The following CARS2 variants were observed in gnomAD, a reference collection of about 807,000 sequenced individuals.
CARS2 encodes the protein cysteinyl-tRNA synthetase 2, mitochondrial, also known as probable cysteine--tRNA ligase, mitochondrial.
In CARS2, 52 loss-of-function variants were observed where a neutral mutation model predicts 68.8. The observed-to-expected ratio is 0.76, with a 90% CI of 0.61 to 0.95. CARS2 has a LOEUF of 0.95. Among genes scored for constraint, CARS2 ranks in the 40% least tolerant of loss-of-function variants. The probability of loss-of-function intolerance (pLI) is 0.00; values close to 1 mark genes in which losing one functional copy is unlikely to be tolerated. For missense variants in CARS2, 780 were observed against 754.2 expected, an observed-to-expected ratio of 1.03 and a Z score of -0.40; for synonymous variants, 314 against 303.6, an observed-to-expected ratio of 1.03 and a Z score of -0.36.
At chr13:110,679,589 A>AGAGAG (rs2063085442) in intron 6 of CARS2, among the ~76,000 whole-genome samples, 1 of 83,884 alleles carries the variant, frequency 1.2e-5, no homozygotes, top group African/African-American at 4.8e-5. Flanking sequence ...GAAAGAAAGA[A>AGAGAG]AGAAAGAAAG....
chr13:110,696,924 G>A (rs776721233), intron 3 of CARS2, among the ~76,000 whole-genome samples: 5 of 151,908 alleles, frequency 3.3e-5, no homozygotes, highest in Admixed American at 6.6e-5. Flanking sequence ...CTTCCCCATC[G>A]CCCCCATGAC....
At chr13:110,654,921 CAAAAAAAAAAAAAAGA>C (rs1316093591) in intron 9 of CARS2, among the ~76,000 whole-genome samples, 1 of 83,856 alleles carries the variant, frequency 1.2e-5, no homozygotes, top group Non-Finnish European at 2.4e-5. Flanking sequence ...AACCCTCTCT[CAAAAAAAAAAAAAAGA>C]AAAAGAAAAA....
chr13:110,684,094 G>A (rs569876181), intron 5 of CARS2, among the ~76,000 whole-genome samples: 58 of 152,250 alleles, frequency 3.8e-4, no homozygotes, highest in African/African-American at 1.0e-3. Flanking sequence ...GGCTGCAGCC[G>A]CTGTGTGTTC....
Position 110,705,820 on chromosome 13 carries a change from G to T in CARS2, c.224+50C>A. On this transcript the variant is annotated intron_variant, in intron 1 of 14. Transcript: ENST00000257347. The surrounding 1 kb of genome is among the most constrained non-coding windows in gnomAD (Gnocchi z 4.0). ...CCCAGATCCCGTTCAGCCGTGGGAA[G>T]TCTCCGCCACGATCGGCCCCCGCCC... The T allele has an allele frequency of 6.6e-7, 1 of 1,525,680 alleles. No homozygotes were observed. The highest frequency in any genetic ancestry group is 8.8e-7 in the Non-Finnish European group (1 of 1,137,772). The allele number at this position is 1,525,680 out of a possible 1,614,324, so 94.5% of individuals were successfully genotyped here.
chr13:110,663,831 T>A, intron 8 of CARS2: 2 of 1,128,680 alleles, frequency 1.8e-6, no homozygotes, highest in African/African-American at 3.2e-5. Context: ...ATCTATTTTC[T>A]CCTCTCCTGT....
chr13:110,694,569 G>A (rs532008874), intron 3 of CARS2, among the ~76,000 whole-genome samples: 4 of 152,004 alleles, frequency 2.6e-5, no homozygotes, highest in Non-Finnish European at 5.9e-5. Context: ...CCTGGGAGGC[G>A]GAGGTTGCGC....
At chr13:110,697,351 C>T (rs143967711) in intron 3 of CARS2, among the ~76,000 whole-genome samples, 3 of 152,378 alleles carry the variant, frequency 2.0e-5, no homozygotes, top group Admixed American at 6.5e-5. Flanking sequence ...AGCCGATTTC[C>T]AGCACTGCCA....
chr13:110,663,776 A>G, intron 8 of CARS2: 1 of 1,246,826 alleles, frequency 8.0e-7, no homozygotes. Flanking sequence ...GCTGACTCAG[A>G]AGCTAAACAA....
chr13:110,660,689 G>A (rs937968860), intron 9 of CARS2, among the ~76,000 whole-genome samples: 2 of 151,582 alleles, frequency 1.3e-5, no homozygotes, highest in Admixed American at 6.6e-5. Context: ...AAACCATGCT[G>A]TAAATGGATG....
chr13:110,706,213 C>A (rs938912217), upstream of CARS2: 10 of 693,420 alleles, frequency 1.4e-5, no homozygotes, highest in Middle Eastern at 5.0e-4. Flanking sequence ...CACGCCCACT[C>A]CCGGAAGCAG....
In CARS2 at chr13:110,705,917, G is replaced by C; in HGVS notation, c.177C>G (p.Thr59=). 1.9e-6 allele frequency: 3 copies of C among 1,575,462 alleles called. No homozygotes were observed. The highest frequency in any genetic ancestry group is 2.3e-5 in the South Asian group (2 of 86,420). ...CCACGATTAGGGGTTCCTTCCTCCC[G>C]GTGAGGCTGTTGTACACCTGCACAC... ...ETGVQVYNSL[T]GRKEPLIVAH... Residue 59 remains threonine (T), a synonymous_variant, in exon 1 of 15, where the codon ACC becomes ACG. Transcript: ENST00000257347. The surrounding 1 kb of genome is among the most constrained non-coding windows in gnomAD (Gnocchi z 4.0).
Position 110,706,070 on chromosome 13 carries a change from TGGGCCG to T in CARS2, c.18_23del (p.Pro8_Gly9del). 7.5e-7 allele frequency: 1 copy of T among 1,336,748 alleles called. No homozygotes were observed. Among genetic ancestry groups the T allele is most frequent in the Non-Finnish European group, 9.6e-7 (1 of 1,043,236 alleles). The allele number at this position is 1,336,748 out of a possible 1,614,324, so 82.8% of individuals were successfully genotyped here. On this transcript the variant is annotated inframe_deletion, in exon 1 of 15. Transcript: ENST00000257347. ...CCTGGAGCAGCGGGGGGCCCAGGCCTGGGCCGCGCGTAGTCCTCAACATGTCAGCGG... is the reference window on the plus strand; with the variant it reads ...CCTGGAGCAGCGGGGGGCCCAGGCCTCGCGTAGTCCTCAACATGTCAGCGG...
chr13:110,705,680 G>A lies in CARS2; in HGVS notation c.225-109C>T. The A allele has an allele frequency of 6.8e-7, 1 of 1,468,656 alleles. No individual in the cohort carries two copies. Among genetic ancestry groups the A allele is most frequent in the Non-Finnish European group, 9.4e-7 (1 of 1,069,480 alleles). The allele number at this position is 1,468,656 out of a possible 1,614,324, so 91.0% of individuals were successfully genotyped here. A position where few individuals can be genotyped will look rare whatever the true frequency, so the allele number is the denominator to read the frequency against. On this transcript the variant is annotated intron_variant, in intron 1 of 14. Transcript: ENST00000257347. The surrounding 1 kb of genome is among the most constrained non-coding windows in gnomAD (Gnocchi z 4.0). ...TTTAAAGTAATCACTTCTGGGGGATGAATAGCCGGGGTTTTCATACTTGCT... is the reference window on the plus strand; with the variant it reads ...TTTAAAGTAATCACTTCTGGGGGATAAATAGCCGGGGTTTTCATACTTGCT...
intron 6 of CARS2, 23 bp downstream of exon 6, chr13:110,683,028 A>G (rs755449063): frequency 1.3e-6 from 2 of 1,577,684 alleles, no homozygotes; most frequent in Non-Finnish European, 1.7e-6. Flanking sequence ...AGGGACCCAC[A>G]GGGCTGAGCC....
intron 7 of CARS2, among the ~76,000 whole-genome samples, chr13:110,674,000 C>A (rs1438387312): frequency 6.6e-6 from 1 of 152,152 alleles, no homozygotes; most frequent in Non-Finnish European, 1.5e-5. Context: ...ATCCAACTTA[C>A]AAGGGATGTG....
At chr13:110,713,289 T>G in exon 1 of CARS2, 1 of 1,279,170 alleles carries the variant, frequency 7.8e-7, no homozygotes, top group Non-Finnish European at 9.9e-7. Context: ...CGAGTTGCGG[T>G]AGTTGCTGTG....
At chr13:110,702,024 A>G (rs1245617071) in intron 2 of CARS2, among the ~76,000 whole-genome samples, 2 of 152,254 alleles carry the variant, frequency 1.3e-5, no homozygotes, top group African/African-American at 4.8e-5. Context: ...ACACTAGTGT[A>G]GAATATTTAA....
Position 110,668,402 on chromosome 13 carries a change from C to T in CARS2, c.786-929G>A, listed in dbSNP as rs761955868. Among the ~76,000 whole-genome samples the T allele has an allele frequency of 7.2e-5, 11 of 152,032 alleles. No individual in the cohort carries two copies. The highest frequency in any genetic ancestry group is 9.7e-5 in the African/African-American group (4 of 41,396). On this transcript the variant is annotated intron_variant, in intron 7 of 14. Coordinates refer to ENST00000257347, the MANE Select transcript of CARS2 (RefSeq NM_024537.4). The surrounding 1 kb of genome is among the most constrained non-coding windows in gnomAD (Gnocchi z 4.1). ...ACTAAAATACAAAAAATCAGCCGGG[C>T]GTGGTGGCGGGTGCCTGTAGTCCCA...
chr13:110,682,177 A>G (rs1170009282), intron 6 of CARS2, among the ~76,000 whole-genome samples: 1 of 152,206 alleles, frequency 6.6e-6, no homozygotes, highest in Non-Finnish European at 1.5e-5. Flanking sequence ...CAAATTTGCT[A>G]TGAAGCTAAA....
Sources: allele counts gnomAD v4.1 joint callset (sites outside exome capture counted in the v4.1 genomes callset), GRCh38; gene constraint gnomAD v4.1.1; non-coding constraint Gnocchi (gnomAD v3.1); transcripts MANE v1.5; gene names NCBI Gene and HGNC (gene_info 2026-07-23, HGNC 2026-07-21).